Variants in DOCK3 observed in about 807,000 individuals in gnomAD.
The protein encoded by DOCK3 is dedicator of cytokinesis protein 3.
In DOCK3, 60 loss-of-function variants were observed where a neutral mutation model predicts 265.6. The observed-to-expected ratio is 0.23, with a 90% CI of 0.18 to 0.28. DOCK3 has a LOEUF of 0.28. Among genes scored for constraint, DOCK3 ranks in the 10% least tolerant of loss-of-function variants. The probability of loss-of-function intolerance (pLI) is 1.00; values close to 1 mark genes in which losing one functional copy is unlikely to be tolerated. For synonymous variants in DOCK3, 881 were observed against 938.0 expected, an observed-to-expected ratio of 0.94 and a Z score of 1.11; for missense variants, 1,981 against 2,594.3, an observed-to-expected ratio of 0.76 and a Z score of 5.14.
intron 14 of DOCK3, among the ~76,000 whole-genome samples, chr3:51,216,940 T>C (rs546871746): frequency 1.3e-5 from 2 of 152,294 alleles, no homozygotes; most frequent in South Asian, 2.1e-4. Context: ...ACAGTGCTGG[T>C]GTGACCAAGT....
intron 10 of DOCK3, among the ~76,000 whole-genome samples, chr3:51,158,101 A>G (rs894085493): frequency 5.3e-5 from 8 of 152,186 alleles, no homozygotes; most frequent in Non-Finnish European, 1.0e-4. Flanking sequence ...ATCAAGTATC[A>G]TTAACTCGCA....
intron 3 of DOCK3, among the ~76,000 whole-genome samples, chr3:50,875,934 A>G (rs2047681855): frequency 6.6e-6 from 1 of 152,022 alleles, no homozygotes; most frequent in African/African-American, 2.4e-5. Flanking sequence ...CATTTTCATG[A>G]TATATTGAAC....
chr3:51,083,474 GAAAAATAATTCAAAATAAGATTAA>G (rs2082312495), intron 7 of DOCK3, among the ~76,000 whole-genome samples: 1 of 151,858 alleles, frequency 6.6e-6, no homozygotes, highest in African/African-American at 2.4e-5. Context: ...TGAAATCCCT[GAAAAATAATTCAAAATAAGATTAA>G]AGAAGCTCAG....
At chr3:51,023,256 T>TC (rs2079672578) in intron 5 of DOCK3, among the ~76,000 whole-genome samples, 1 of 151,958 alleles carries the variant, frequency 6.6e-6, no homozygotes, top group Non-Finnish European at 1.5e-5. Context: ...TTTTTTTTTT[T>TC]CTTTATCTTT....
At chr3:50,954,766 T>TA in intron 5 of DOCK3, among the ~76,000 whole-genome samples, 1 of 152,226 alleles carries the variant, frequency 6.6e-6, no homozygotes, top group Non-Finnish European at 1.5e-5. Flanking sequence ...TCTCCCAATC[T>TA]ATAGGTTGTC....
intron 5 of DOCK3, among the ~76,000 whole-genome samples, chr3:50,972,108 T>A (rs6446240): frequency 6.6e-6 from 1 of 152,196 alleles, no homozygotes; most frequent in Non-Finnish European, 1.5e-5. Flanking sequence ...AATGTCTTCT[T>A]TGTGGAACTT....
intron 5 of DOCK3, among the ~76,000 whole-genome samples, chr3:51,048,217 A>G (rs559669652): frequency 4.9e-4 from 74 of 152,308 alleles, no homozygotes; most frequent in Non-Finnish European, 3.5e-4. Flanking sequence ...AATTAAGTAT[A>G]CAATGAATGT....
chr3:51,294,454 G>A (rs926933382), intron 27 of DOCK3, among the ~76,000 whole-genome samples: 15 of 152,110 alleles, frequency 9.9e-5, no homozygotes, highest in African/African-American at 3.4e-4. Context: ...CAAGGCAGGC[G>A]GATCACGAGG....
intron 27 of DOCK3, among the ~76,000 whole-genome samples, chr3:51,305,935 G>A (rs1478541288): frequency 7.2e-6 from 1 of 138,450 alleles, no homozygotes; most frequent in Non-Finnish European, 1.5e-5. Context: ...GTCTTCCCAG[G>A]CTCAAGCGAT....
At chr3:51,235,996 G>A (rs149211584) in intron 19 of DOCK3, among the ~76,000 whole-genome samples, 57 of 152,230 alleles carry the variant, frequency 3.7e-4, no homozygotes, top group African/African-American at 1.3e-3. Flanking sequence ...AATAAATTTG[G>A]CATCAGTATC....
In DOCK3 at chr3:50,724,664, C is replaced by T. The variant is rs540040916; in HGVS notation, c.37+49364C>T. Among the ~76,000 whole-genome samples, 59 of 150,436 alleles carry T rather than the reference C, an allele frequency of 3.9e-4. 1 individual carries two copies. The highest frequency in any genetic ancestry group is 1.4e-3 in the African/African-American group (58 of 40,988). ...TAACACATGGACACGGGGAGGGGAA[C>T]ATCACACACCGGGGCCTGTCGGGGG... On this transcript the variant is annotated intron_variant, in intron 1 of 52. Transcript: ENST00000266037.
At chr3:50,971,017 T>C (rs1205773373) in intron 5 of DOCK3, among the ~76,000 whole-genome samples, 1 of 37,532 alleles carries the variant, frequency 2.7e-5, no homozygotes, top group Admixed American at 3.2e-4. Context: ...TTTTTTGAGA[T>C]AGGGGACTCA....
At position 51,341,303 on chromosome 3, in the gene DOCK3, T is replaced by G; in HGVS notation, c.3833T>G (p.Phe1278Cys). The G allele has an allele frequency of 6.2e-7, 1 of 1,612,986 alleles. No individual in the cohort carries two copies. The highest frequency in any genetic ancestry group is 1.3e-5 in the African/African-American group (1 of 75,052). The change falls in exon 38 of 53, where the codon TTC (phenylalanine) becomes TGC (cysteine). Residue 1278 changes from phenylalanine (F) to cysteine (C), a missense_variant. Physicochemically the swap from Phe to Cys is radical, Grantham distance 205 (BLOSUM62 -2). Transcript: ENST00000266037. ...TGGGAGGACCGGCCACTACGGGAAT[T>G]CCTCCACTACCCATCGCAGACAGAG... is the stretch of plus-strand genomic sequence containing the variant. ...LQWEDRPLREFLHYPSQTEWQ... is the reference protein window; with the variant it reads ...LQWEDRPLRECLHYPSQTEWQ...
chr3:51,367,482 C>A (rs889455344), intron 49 of DOCK3, among the ~76,000 whole-genome samples: 4 of 152,170 alleles, frequency 2.6e-5, no homozygotes, highest in Non-Finnish European at 5.9e-5. Flanking sequence ...AGCAGTTAGC[C>A]CATTTACATT....
At chr3:51,200,517 C>G (rs949313453) in intron 12 of DOCK3, among the ~76,000 whole-genome samples, 2 of 147,210 alleles carry the variant, frequency 1.4e-5, no homozygotes, top group South Asian at 4.5e-4. Context: ...AAATATGGGA[C>G]TATGTGAAAA....
intron 6 of DOCK3, among the ~76,000 whole-genome samples, chr3:51,071,281 T>A (rs1164545588): frequency 1.3e-5 from 2 of 152,148 alleles, no homozygotes; most frequent in African/African-American, 2.4e-5. Flanking sequence ...TAATATATAT[T>A]TGTTGAATTA....
At chr3:51,114,488 A>G (rs1305122092) in intron 9 of DOCK3, among the ~76,000 whole-genome samples, 1 of 152,194 alleles carries the variant, frequency 6.6e-6, no homozygotes, top group Non-Finnish European at 1.5e-5. Flanking sequence ...TAGTTTAAAT[A>G]AAGTGTTTTG....
chr3:51,080,176 T>C (rs1051375924), intron 7 of DOCK3, among the ~76,000 whole-genome samples: 8 of 152,222 alleles, frequency 5.3e-5, no homozygotes, highest in African/African-American at 1.7e-4. Flanking sequence ...AATTTTGTTA[T>C]TCAGTTGGTT....
At chr3:51,123,392 G>A (rs2084121320) in intron 9 of DOCK3, among the ~76,000 whole-genome samples, 1 of 152,180 alleles carries the variant, frequency 6.6e-6, no homozygotes, top group Non-Finnish European at 1.5e-5. Context: ...TGCAGACAAG[G>A]ATGCTGGACT....
Sources: allele counts gnomAD v4.1 joint callset (sites outside exome capture counted in the v4.1 genomes callset), GRCh38; gene constraint gnomAD v4.1.1; transcripts MANE v1.5; gene names NCBI Gene and HGNC (gene_info 2026-07-23, HGNC 2026-07-21).